PRKN: variants seen among roughly 807,000 people sequenced by gnomAD.
The protein encoded by PRKN is E3 ubiquitin-protein ligase parkin.
A neutral mutation model predicts 59.5 loss-of-function variants in PRKN; 56 were observed. That is an observed-to-expected ratio of 0.94 (90% CI 0.76 to 1.18). PRKN has a LOEUF of 1.18. Ranked by LOEUF, PRKN falls within the 50% of genes most tolerant of loss-of-function variation. PRKN has a pLI of 0.00. For synonymous variants in PRKN, 250 were observed against 222.1 expected, an observed-to-expected ratio of 1.13 and a Z score of -1.12; for missense variants, 657 against 596.4, an observed-to-expected ratio of 1.10 and a Z score of -1.06.
chr6:161,894,470 A>G (rs189694735), intron 6 of PRKN, among the ~76,000 whole-genome samples: 3 of 152,296 alleles, frequency 2.0e-5, no homozygotes, highest in Admixed American at 6.5e-5. Flanking sequence ...ACTCATCAGG[A>G]TGGGATTCCA....
At chr6:161,671,864 G>A (rs1784922144) in intron 7 of PRKN, among the ~76,000 whole-genome samples, 1 of 152,082 alleles carries the variant, frequency 6.6e-6, no homozygotes, top group African/African-American at 2.4e-5. Context: ...TATCATTTTC[G>A]AGGGTTTTAT....
At chr6:162,021,873 T>C (rs567174678) in intron 5 of PRKN, among the ~76,000 whole-genome samples, 1 of 152,096 alleles carries the variant, frequency 6.6e-6, no homozygotes, top group Non-Finnish European at 1.5e-5. Context: ...AATTCTCCAG[T>C]GTCTATTGTA....
chr6:162,375,450 G>A (rs1031978424), intron 2 of PRKN, among the ~76,000 whole-genome samples: 1 of 150,644 alleles, frequency 6.6e-6, no homozygotes, highest in Non-Finnish European at 1.5e-5. Flanking sequence ...GTCTACAAAA[G>A]AGCCTTAACA....
At position 161,756,245 on chromosome 6, in the gene PRKN, C is replaced by A. The variant is rs547883058; in HGVS notation, c.871+29527G>T. On this transcript the variant is annotated intron_variant, in intron 7 of 11. Transcript: ENST00000366898. ...TTACTTGATGTCAGGAGTTCGAGAT[C>A]ACCGTGGCCAAAACGGTGAAACCCT... is the stretch of plus-strand genomic sequence containing the variant. Among the ~76,000 whole-genome samples, 10 of 152,062 alleles carry A rather than the reference C, an allele frequency of 6.6e-5. No individual in the cohort carries two copies. The East Asian group carries it at 1.9e-3, about 30-fold the overall frequency.
chr6:162,639,786 G>A (rs1298199775), intron 1 of PRKN, among the ~76,000 whole-genome samples: 1 of 152,066 alleles, frequency 6.6e-6, no homozygotes, highest in Non-Finnish European at 1.5e-5. Flanking sequence ...CATTAGGTTT[G>A]GTCTAATTAT....
intron 7 of PRKN, among the ~76,000 whole-genome samples, chr6:161,659,694 T>C (rs1784475647): frequency 6.6e-6 from 1 of 151,912 alleles, no homozygotes; most frequent in Non-Finnish European, 1.5e-5. Flanking sequence ...GGTCTCCAGG[T>C]CGGGTTTTGG....
rs1784393415 is a variant in PRKN at position 162,193,992 on chromosome 6, T to C, written c.534+7139A>G. Reference sequence around the variant, plus strand: ...TCCTAAAAGCTGATTAAAAGAAACATATTTTTGGTAAACCAACAAACAAAG... The same window carrying C: ...TCCTAAAAGCTGATTAAAAGAAACACATTTTTGGTAAACCAACAAACAAAG... On this transcript the variant is annotated intron_variant, in intron 4 of 11. Transcript: ENST00000366898. Among the ~76,000 whole-genome samples, 5 of 152,200 alleles carry C rather than the reference T, an allele frequency of 3.3e-5. No individual in the cohort carries two copies. The South Asian group carries it at 1.0e-3, about 31-fold the overall frequency.
intron 10 of PRKN, among the ~76,000 whole-genome samples, chr6:161,367,148 G>A (rs1785240313): frequency 6.6e-6 from 1 of 151,636 alleles, no homozygotes; most frequent in Non-Finnish European, 1.5e-5. Context: ...CCGCCACCAC[G>A]CCCGGCTAAT....
chr6:162,276,676 C>A (rs9456756), intron 2 of PRKN, among the ~76,000 whole-genome samples: 1 of 147,664 alleles, frequency 6.8e-6, no homozygotes, highest in African/African-American at 2.6e-5. Context: ...TCTGCTTTAC[C>A]TCTAACAGAA....
At position 161,568,230 on chromosome 6, in the gene PRKN, G is replaced by A. The variant is rs993010643; in HGVS notation, c.933+1125C>T. ...ACAAACCAAAAACTCATTGATGAAA[G>A]TGAGCTGCCACATCTCCATTTGCAT... On this transcript the variant is annotated intron_variant, in intron 8 of 11. Coordinates refer to ENST00000366898, the MANE Select transcript of PRKN (RefSeq NM_004562.3). Among the ~76,000 whole-genome samples, 8 of 152,178 alleles carry A rather than the reference G, an allele frequency of 5.3e-5. No homozygotes were observed. The East Asian group carries it at 1.5e-3, about 29-fold the overall frequency.
At chr6:162,590,446 T>G (rs2128214036) in intron 1 of PRKN, among the ~76,000 whole-genome samples, 1 of 152,330 alleles carries the variant, frequency 6.6e-6, no homozygotes, top group South Asian at 2.1e-4. Context: ...GTTAGCCATC[T>G]TTCTTTTTTT....
intron 1 of PRKN, among the ~76,000 whole-genome samples, chr6:162,476,707 AC>A (rs1792037538): frequency 6.6e-6 from 1 of 152,010 alleles, no homozygotes; most frequent in African/African-American, 2.4e-5. Flanking sequence ...CAAACGTGAT[AC>A]CCCAGCCACA....
intron 7 of PRKN, among the ~76,000 whole-genome samples, chr6:161,694,526 A>G (rs1291105401): frequency 6.6e-6 from 1 of 151,590 alleles, no homozygotes; most frequent in Non-Finnish European, 1.5e-5. Context: ...TTTTTTTTTA[A>G]TTTTTAACTG....
intron 2 of PRKN, among the ~76,000 whole-genome samples, chr6:162,269,442 C>T (rs1482760673): frequency 6.6e-6 from 1 of 152,172 alleles, no homozygotes; most frequent in African/African-American, 2.4e-5. Context: ...AAGAGCCAGG[C>T]CTGCAGCCTC....
At chr6:162,393,836 T>C (rs1374836845) in intron 2 of PRKN, among the ~76,000 whole-genome samples, 5 of 152,298 alleles carry the variant, frequency 3.3e-5, no homozygotes, top group East Asian at 1.9e-4. Flanking sequence ...ATTTAGAAAA[T>C]AATCCTTTAG....
intron 2 of PRKN, among the ~76,000 whole-genome samples, chr6:162,379,892 C>G (rs1374984759): frequency 6.6e-6 from 1 of 152,138 alleles, no homozygotes; most frequent in Non-Finnish European, 1.5e-5. Context: ...AGCTGATGAA[C>G]ATGCCGGCAG....
At chr6:161,697,436 C>T (rs1786068682) in intron 7 of PRKN, among the ~76,000 whole-genome samples, 1 of 152,198 alleles carries the variant, frequency 6.6e-6, no homozygotes, top group Non-Finnish European at 1.5e-5. Flanking sequence ...AGTAAGAGCA[C>T]TCTTTACTCA....
At chr6:161,646,068 CAGT>C (rs1783928143) in intron 7 of PRKN, among the ~76,000 whole-genome samples, 1 of 99,910 alleles carries the variant, frequency 1.0e-5, no homozygotes, top group South Asian at 3.4e-4. Context: ...GTATCAGTGA[CAGT>C]GGTGACTGCG....
At chr6:162,145,515 G>C (rs1583100202) in intron 4 of PRKN, among the ~76,000 whole-genome samples, 2 of 152,212 alleles carry the variant, frequency 1.3e-5, no homozygotes, top group South Asian at 4.1e-4. Flanking sequence ...CCAGGTTCTT[G>C]GTATTTTGAA....
Sources: allele counts gnomAD v4.1 joint callset (sites outside exome capture counted in the v4.1 genomes callset), GRCh38; gene constraint gnomAD v4.1.1; transcripts MANE v1.5; gene names NCBI Gene and HGNC (gene_info 2026-07-23, HGNC 2026-07-21).